Variants in PCNT observed in about 807,000 individuals in gnomAD.
PCNT encodes the protein kendrin.
Under a neutral mutation model 380.4 loss-of-function variants are expected in PCNT, and 319 were observed. That is an observed-to-expected ratio of 0.84 (90% CI 0.77 to 0.92). The LOEUF (loss-of-function observed/expected upper bound fraction) is 0.92, where lower values mean the gene tolerates loss of function less well. PCNT is among the 40% of genes least tolerant of loss of function. PCNT has a pLI of 0.00. For synonymous variants in PCNT, 1,845 were observed against 1,735.2 expected (o/e 1.06, Z -1.57); for missense variants, 4,400 against 4,255.3 (o/e 1.03, Z -0.95).
chr21:46,398,022 A>AGC lies in PCNT; in HGVS notation c.4456_4457dup (p.Glu1487ProfsTer51). On this transcript the variant is annotated frameshift_variant, in exon 23 of 47. Coordinates refer to ENST00000359568, the MANE Select transcript of PCNT (RefSeq NM_006031.6). LOFTEE classifies it high-confidence loss of function. ...GCTGCCTCTCCTCCCAGGAGCAGGC[A>AGC]GCCGAGCGGGAGCACGAGCGCGAGG... The AGC allele has an allele frequency of 1.3e-6, 2 of 1,585,534 alleles. No individual in the cohort carries two copies. The highest frequency in any genetic ancestry group is 1.7e-6 in the Non-Finnish European group (2 of 1,167,636).
chr21:46,409,661 G>A (rs2086723053), intron 27 of PCNT, among the ~76,000 whole-genome samples: 1 of 152,098 alleles, frequency 6.6e-6, no homozygotes, highest in South Asian at 2.1e-4. Flanking sequence ...GTGCAGTGGC[G>A]CAGTCTCGGC....
chr21:46,380,520 G>A (rs1014660667), intron 15 of PCNT, among the ~76,000 whole-genome samples: 15 of 151,032 alleles, frequency 9.9e-5, no homozygotes, highest in African/African-American at 2.9e-4. Context: ...CAAGGTGCCC[G>A]GCAGGTGGGC....
intron 27 of PCNT, among the ~76,000 whole-genome samples, chr21:46,410,101 G>A (rs1178605153): frequency 6.6e-6 from 1 of 152,272 alleles, no homozygotes; most frequent in Non-Finnish European, 1.5e-5. Context: ...TGCCTGTAGA[G>A]TACAGAGACA....
At chr21:46,365,072 G>A (rs945064422) in intron 14 of PCNT, among the ~76,000 whole-genome samples, 1 of 152,224 alleles carries the variant, frequency 6.6e-6, no homozygotes, top group Non-Finnish European at 1.5e-5. Context: ...CTTTGGCCCT[G>A]AGTGCCGCCT....
intron 15 of PCNT, among the ~76,000 whole-genome samples, chr21:46,379,579 G>C (rs2085445197): frequency 6.6e-6 from 1 of 152,090 alleles, no homozygotes; most frequent in Non-Finnish European, 1.5e-5. Context: ...CTCTCCCTCT[G>C]TCTGGCTTGA....
intron 32 of PCNT, among the ~76,000 whole-genome samples, chr21:46,424,967 C>A (rs1382735166): frequency 6.6e-6 from 1 of 152,132 alleles, no homozygotes; most frequent in Non-Finnish European, 1.5e-5. Context: ...TACAGGAAAG[C>A]CTATTTTCAG....
In PCNT at chr21:46,346,955, A is replaced by G; in HGVS notation, c.933A>G (p.Ala311=). 1 of 1,597,208 alleles carries G rather than the reference A, an allele frequency of 6.3e-7. No homozygotes were observed. The change falls in exon 5 of 47, where the codon GCA becomes GCG. Residue 311 remains alanine (A), a synonymous_variant. Transcript: ENST00000359568. ...HELELLREQH[A]REKEEVVLRC... is the part of the protein sequence containing the mutation. The stretch of plus-strand genomic sequence containing the variant: ...TGGAGCTCCTCAGGGAGCAGCACGC[A>G]CGGGAGAAGGAGGAGGTGGTGCTCA...
At position 46,431,580 on chromosome 21, in the gene PCNT, G is replaced by A. The variant is rs780988556; in HGVS notation, c.8116G>A (p.Val2706Met). 126 of 1,613,982 alleles carry A rather than the reference G, an allele frequency of 7.8e-5. No individual in the cohort carries two copies. The highest frequency in any genetic ancestry group is 1.0e-4 in the Admixed American group (6 of 60,008). ...TQRAQSSRLC[V>M]ALKHEQTAKD... ...GCGTGCTCAGAGCAGTCGACTCTGC[G>A]TGGCACTGAAACACGAGCAGACGGC... Residue 2706 changes from valine (V) to methionine (M), a missense_variant, in exon 38 of 47, where the codon GTG (valine) becomes ATG (methionine). Coordinates refer to ENST00000359568, the MANE Select transcript of PCNT (RefSeq NM_006031.6).
chr21:46,440,345 GAATA>G, intron 42 of PCNT, 143 bp downstream of exon 42: 2 of 890,520 alleles, frequency 2.2e-6, no homozygotes, highest in Non-Finnish European at 3.7e-6. Context: ...GACGTTCACA[GAATA>G]AACTTCGGCT....
Position 46,440,925 on chromosome 21 carries a change from A to G in PCNT, c.9464A>G (p.Tyr3155Cys), listed in dbSNP as rs765770969. 6.2e-7 allele frequency: 1 copy of G among 1,612,636 alleles called. No individual in the cohort carries two copies. The highest frequency in any genetic ancestry group is 1.1e-5 in the South Asian group (1 of 91,060). ...AAAGCTCTGATTTATCAAAAGAAGT[A>G]TCTTTTGCTGTTGATTGGTGGATTC... ...FRKALIYQKKYLLLLIGGFQD... is the reference protein window; with the variant it reads ...FRKALIYQKKCLLLLIGGFQD... The change falls in exon 43 of 47, where the codon TAT (tyrosine) becomes TGT (cysteine). Residue 3155 changes from tyrosine (Y) to cysteine (C), a missense_variant. By Grantham distance (194) the Tyr-to-Cys change is radical. Transcript: ENST00000359568.
At position 46,413,343 on chromosome 21, in the gene PCNT, G is replaced by A. The variant is rs13046034; in HGVS notation, c.6150+351G>A. On this transcript the variant is annotated intron_variant, in intron 29 of 46. Transcript: ENST00000359568. ...CCCACCCGGGAGAGGCTGGACACGC[G>A]GCAGCAAGGTGTGGGGAGGGGGGAA... Among the ~76,000 whole-genome samples, 70 of 28,062 alleles carry A rather than the reference G, an allele frequency of 2.5e-3. 4 individuals carry two copies. Among genetic ancestry groups the A allele is most frequent in the African/African-American group, 4.9e-3 (24 of 4,932 alleles). The allele number at this position is 28,062 out of a possible 152,430, so 18.4% of individuals were successfully genotyped here.
intron 13 of PCNT, among the ~76,000 whole-genome samples, chr21:46,362,915 C>T (rs986092018): frequency 6.6e-6 from 1 of 152,140 alleles, no homozygotes; most frequent in African/African-American, 2.4e-5. Flanking sequence ...TCTCCTTCAT[C>T]CCCCTCTGCA....
chr21:46,325,598 C>T (rs1380661468), intron 1 of PCNT, among the ~76,000 whole-genome samples: 2 of 152,212 alleles, frequency 1.3e-5, no homozygotes, highest in Admixed American at 6.5e-5. Context: ...AGCTTGTGTA[C>T]TTGTGTTATC....
chr21:46,394,553 G>A (rs987223982), intron 21 of PCNT: 8 of 983,290 alleles, frequency 8.1e-6, no homozygotes, highest in Non-Finnish European at 9.7e-6. Flanking sequence ...AAAGACAAAC[G>A]ATTGATTTGT....
In PCNT at chr21:46,436,470, GCCCCCCCCC is replaced by G. The variant is rs1158167144; in HGVS notation, c.8996+332_8996+340del. 2.1e-3 allele frequency among the ~76,000 whole-genome samples: 10 copies of G among 4,748 alleles called. 2 individuals carry two copies. Among genetic ancestry groups the G allele is most frequent in the African/African-American group, 3.8e-3 (9 of 2,340 alleles). 3.1% of individuals were successfully genotyped at this position (4,748 alleles called of 152,430 possible). ...AGGGTCGGGTTTGGAGCCTCCTGTG[GCCCCCCCCC>G]CCCCCCCCCGCTGGCACTGCCCAGT... On this transcript the variant is annotated intron_variant, in intron 39 of 46. Coordinates refer to ENST00000359568, the MANE Select transcript of PCNT (RefSeq NM_006031.6).
chr21:46,401,731 G>C lies in PCNT; in HGVS notation c.4962+10G>C, dbSNP rs114474454. 2 of 1,613,934 alleles carry C rather than the reference G, an allele frequency of 1.2e-6. No homozygotes were observed. The highest frequency in any genetic ancestry group is 1.7e-6 in the Non-Finnish European group (2 of 1,179,944). The stretch of plus-strand genomic sequence containing the variant: ...GCGGCGCGAGAGCGAGGTGAGTGCA[G>C]AGTGGGGCCATGGGACTGCCAGCCC... On this transcript the variant is annotated intron_variant, in intron 26 of 46. Transcript: ENST00000359568.
chr21:46,422,050 G>A lies in PCNT; in HGVS notation c.7105G>A (p.Ala2369Thr). ...EAQTAGPVTP[A>T]SISGRFQPLP... is the part of the protein sequence containing the mutation. ...TCAAACTGCTGGTCCTGTGACCCCT[G>A]CTTCCATCTCTGGAAGGTTTCAGCC... Residue 2369 changes from alanine (A) to threonine (T), a missense_variant, in exon 32 of 47, where the codon GCT (alanine) becomes ACT (threonine). Physicochemically the swap from Ala to Thr is moderately conservative, Grantham distance 58. Coordinates refer to ENST00000359568, the MANE Select transcript of PCNT (RefSeq NM_006031.6). The A allele has an allele frequency of 6.2e-7, 1 of 1,614,008 alleles. No individual in the cohort carries two copies.
At position 46,436,060 on chromosome 21, in the gene PCNT, G is replaced by C; in HGVS notation, c.8908G>C (p.Glu2970Gln). The C allele has an allele frequency of 1.2e-6, 2 of 1,613,516 alleles. No individual in the cohort carries two copies. Among genetic ancestry groups the C allele is most frequent in the Non-Finnish European group, 1.7e-6 (2 of 1,179,954 alleles). ...AAGSDADHLR[E>Q]QQRELEAMRQ... Reference sequence around the variant, plus strand: ...CGGCTCGGATGCGGACCACCTCCGGGAACAGCAGCGAGAGCTGGAGGCGAT... The same window carrying C: ...CGGCTCGGATGCGGACCACCTCCGGCAACAGCAGCGAGAGCTGGAGGCGAT... Residue 2970 changes from glutamate (E) to glutamine (Q), a missense_variant, in exon 39 of 47, where the codon GAA (glutamate) becomes CAA (glutamine). Physicochemically the swap from Glu to Gln is conservative, Grantham distance 29 (BLOSUM62 2). Transcript: ENST00000359568.
Position 46,436,967 on chromosome 21 carries a change from T to C in PCNT, c.8997-12T>C. On this transcript the variant is annotated splice_polypyrimidine_tract_variant and intron_variant, in intron 39 of 46. Transcript: ENST00000359568. ...CGCGTATGCAACTTTGAGTGCCCATTTATTTTTACAGGACAGTTAATGATT... is the reference window on the plus strand; with the variant it reads ...CGCGTATGCAACTTTGAGTGCCCATCTATTTTTACAGGACAGTTAATGATT... 6.2e-6 allele frequency: 10 copies of C among 1,604,568 alleles called. No individual in the cohort carries two copies. The highest frequency in any genetic ancestry group is 8.5e-6 in the Non-Finnish European group (10 of 1,171,316).
Sources: gnomAD v4.1 joint callset for allele counts (sites outside exome capture counted in the v4.1 genomes callset) on GRCh38, gnomAD v4.1.1 for gene constraint, MANE v1.5 for transcripts, NCBI Gene and HGNC (gene_info 2026-07-23, HGNC 2026-07-21) for gene names.